COL25A1: variants seen among roughly 807,000 people sequenced by gnomAD.
COL25A1 encodes collagen type XXV alpha 1 chain, also known as collagen alpha-1(XXV) chain.
In COL25A1, 103 loss-of-function variants were observed where a neutral mutation model predicts 128.4. That is an observed-to-expected ratio of 0.80 (90% CI 0.68 to 0.94). The LOEUF (loss-of-function observed/expected upper bound fraction) is 0.94. COL25A1 is among the 40% of genes least tolerant of loss of function. The pLI is 0.00. For synonymous variants in COL25A1, 279 were observed against 277.2 expected (o/e 1.01, Z -0.06); for missense variants, 745 against 840.0 (o/e 0.89, Z 1.40).
At chr4:109,065,532 A>ACGCGCGCGCGCG (rs560432083) in intron 3 of COL25A1, among the ~76,000 whole-genome samples, 30 of 126,520 alleles carry the variant, frequency 2.4e-4, no homozygotes, top group African/African-American at 8.4e-4. Flanking sequence ...TTGGTGCAGC[A>ACGCGCGCGCGCG]CGCGCGCGCG....
At chr4:109,228,307 T>A (rs1214575741) in intron 3 of COL25A1, among the ~76,000 whole-genome samples, 1 of 152,146 alleles carries the variant, frequency 6.6e-6, no homozygotes, top group East Asian at 1.9e-4. Context: ...TAAAATTAAG[T>A]CCACAAGTCT....
intron 6 of COL25A1, among the ~76,000 whole-genome samples, chr4:108,990,584 T>G (rs902999984): frequency 6.6e-6 from 1 of 152,074 alleles, no homozygotes; most frequent in Non-Finnish European, 1.5e-5. Context: ...TTGAGGTTAT[T>G]ATTATATTAA....
At chr4:108,884,993 C>A (rs1740612356) in intron 18 of COL25A1, among the ~76,000 whole-genome samples, 3 of 152,230 alleles carry the variant, frequency 2.0e-5, no homozygotes, top group African/African-American at 7.2e-5. Flanking sequence ...TAGAAAATCT[C>A]CTGAATTCTA....
chr4:108,942,928 G>C (rs1480671863), intron 8 of COL25A1, among the ~76,000 whole-genome samples: 1 of 150,748 alleles, frequency 6.6e-6, no homozygotes, highest in African/African-American at 2.4e-5. Context: ...GCTAATTTTT[G>C]TATTTGTAGT....
At chr4:109,281,976 C>T (rs751923574) in intron 3 of COL25A1, among the ~76,000 whole-genome samples, 5 of 152,048 alleles carry the variant, frequency 3.3e-5, no homozygotes, top group Non-Finnish European at 5.9e-5. Flanking sequence ...AAGTCACAGT[C>T]GAATGTGCTA....
chr4:108,845,043 G>C, intron 29 of COL25A1, 146 bp downstream of exon 29: 1 of 749,098 alleles, frequency 1.3e-6, no homozygotes, highest in Non-Finnish European at 2.4e-6. Flanking sequence ...AGGGCTGACG[G>C]ATGTTTCTTC....
intron 3 of COL25A1, among the ~76,000 whole-genome samples, chr4:109,263,126 C>G (rs1248297665): frequency 8.0e-6 from 1 of 125,394 alleles, no homozygotes; most frequent in Admixed American, 8.3e-5. Context: ...AAGACTCTGT[C>G]TCAAAACAAC....
At chr4:109,273,953 A>G (rs1235468278) in intron 3 of COL25A1, among the ~76,000 whole-genome samples, 1 of 152,214 alleles carries the variant, frequency 6.6e-6, no homozygotes, top group African/African-American at 2.4e-5. Context: ...CTGCCCTTTC[A>G]TAGCCAAATT....
At chr4:109,046,461 T>G (rs1018204660) in intron 5 of COL25A1, among the ~76,000 whole-genome samples, 2 of 152,174 alleles carry the variant, frequency 1.3e-5, no homozygotes, top group Non-Finnish European at 2.9e-5. Context: ...CCATAGCTAA[T>G]GTGGATTCCA....
intron 3 of COL25A1, among the ~76,000 whole-genome samples, chr4:109,093,396 G>A (rs529359034): frequency 6.7e-6 from 1 of 150,092 alleles, no homozygotes; most frequent in African/African-American, 2.5e-5. Flanking sequence ...AAAGTGAAAG[G>A]GTCACTTGAG....
At chr4:108,922,047 T>G (rs1745550788) in intron 11 of COL25A1, among the ~76,000 whole-genome samples, 1 of 152,146 alleles carries the variant, frequency 6.6e-6, no homozygotes, top group Non-Finnish European at 1.5e-5. Context: ...CAAATTCATC[T>G]GGTATACTCT....
chr4:109,056,277 T>C (rs578079976), intron 3 of COL25A1, among the ~76,000 whole-genome samples: 6 of 152,108 alleles, frequency 3.9e-5, no homozygotes, highest in Non-Finnish European at 8.8e-5. Flanking sequence ...GCTAGTAAGA[T>C]TTTTACTGTA....
intron 11 of COL25A1, among the ~76,000 whole-genome samples, chr4:108,931,235 TAGAAAC>T (rs1746696959): frequency 1.3e-5 from 2 of 152,184 alleles, no homozygotes; most frequent in South Asian, 4.1e-4. Flanking sequence ...GCATTCATAA[TAGAAAC>T]AGAGTAGGAT....
intron 5 of COL25A1, among the ~76,000 whole-genome samples, chr4:109,047,620 A>C (rs1760556933): frequency 6.6e-6 from 1 of 152,200 alleles, no homozygotes; most frequent in African/African-American, 2.4e-5. Context: ...TAACCTATGG[A>C]AATAAAAAAA....
intron 3 of COL25A1, among the ~76,000 whole-genome samples, chr4:109,130,354 A>C (rs1769066710): frequency 6.6e-6 from 1 of 152,190 alleles, no homozygotes; most frequent in Non-Finnish European, 1.5e-5. Context: ...TTTAGTTGTG[A>C]ATGTATACAC....
chr4:109,176,865 C>T (rs1774154443), intron 3 of COL25A1, among the ~76,000 whole-genome samples: 1 of 152,120 alleles, frequency 6.6e-6, no homozygotes, highest in Admixed American at 6.5e-5. Context: ...CCAAGGATCA[C>T]CTGGAGCTAC....
intron 11 of COL25A1, among the ~76,000 whole-genome samples, chr4:108,924,695 T>C (rs911393588): frequency 1.3e-5 from 2 of 152,224 alleles, no homozygotes; most frequent in African/African-American, 4.8e-5. Context: ...CACTGCTGCC[T>C]GCGTGAGCTT....
intron 3 of COL25A1, among the ~76,000 whole-genome samples, chr4:109,186,069 T>A (rs1775103929): frequency 6.6e-6 from 1 of 152,242 alleles, no homozygotes; most frequent in Non-Finnish European, 1.5e-5. Flanking sequence ...GAGAAAAGAA[T>A]GGCAATGAGG....
intron 3 of COL25A1, among the ~76,000 whole-genome samples, chr4:109,131,871 C>A (rs1560743059): frequency 6.6e-6 from 1 of 152,174 alleles, no homozygotes; most frequent in East Asian, 1.9e-4. Flanking sequence ...ACGATGTCAG[C>A]ACACTCACCA....
Sources: gnomAD v4.1 joint callset for allele counts (sites outside exome capture counted in the v4.1 genomes callset) on GRCh38, gnomAD v4.1.1 for gene constraint, MANE v1.5 for transcripts, NCBI Gene and HGNC (gene_info 2026-07-23, HGNC 2026-07-21) for gene names.